The following EPS15L1 variants were observed in gnomAD, a reference collection of about 807,000 sequenced individuals.
The protein encoded by EPS15L1 is epidermal growth factor receptor substrate 15-like 1.
A neutral mutation model predicts 117.1 loss-of-function variants in EPS15L1; 43 were observed. That is an observed-to-expected ratio of 0.37 (90% CI 0.29 to 0.47). The LOEUF (loss-of-function observed/expected upper bound fraction) is 0.47, where lower values mean the gene tolerates loss of function less well. Ranked by LOEUF, EPS15L1 falls within the 20% of genes least tolerant of loss-of-function variation. EPS15L1 has a pLI of 0.99. For synonymous variants in EPS15L1, 459 were observed against 470.5 expected, an observed-to-expected ratio of 0.98 and a Z score of 0.32; for missense variants, 981 against 1,164.0, an observed-to-expected ratio of 0.84 and a Z score of 2.29.
At chr19:16,368,163 C>A (rs781313484) in intron 22 of EPS15L1, among the ~76,000 whole-genome samples, 1 of 152,160 alleles carries the variant, frequency 6.6e-6, no homozygotes, top group Admixed American at 6.5e-5. Context: ...TCGCTATTAT[C>A]CTATACAACA....
At chr19:16,432,215 C>G (rs111923053) in intron 7 of EPS15L1, among the ~76,000 whole-genome samples, 2 of 151,848 alleles carry the variant, frequency 1.3e-5, no homozygotes, top group African/African-American at 4.8e-5. Flanking sequence ...AGGTGGATCA[C>G]CTGAGGTCAG....
At chr19:16,427,765 G>A (rs183514420) in intron 8 of EPS15L1, among the ~76,000 whole-genome samples, 200 of 152,230 alleles carry the variant, frequency 1.3e-3, no homozygotes, top group African/African-American at 4.6e-3. Flanking sequence ...GTGATGGAGT[G>A]CACCTGTAAT....
At chr19:16,428,891 C>CA in intron 7 of EPS15L1, 130 bp from the exon 8 acceptor site, 1 of 678,042 alleles carries the variant, frequency 1.5e-6, no homozygotes, top group Admixed American at 2.4e-5. Flanking sequence ...ATATACATTT[C>CA]AGGACCAGTC....
At chr19:16,464,098 G>A (rs1024454138) in intron 1 of EPS15L1, among the ~76,000 whole-genome samples, 1 of 152,194 alleles carries the variant, frequency 6.6e-6, no homozygotes, top group African/African-American at 2.4e-5. Context: ...AGGAGGAGAA[G>A]TGACTTTATG....
At chr19:16,462,013 G>A (rs988722468) in intron 1 of EPS15L1, among the ~76,000 whole-genome samples, 2 of 152,230 alleles carry the variant, frequency 1.3e-5, no homozygotes, top group African/African-American at 4.8e-5. Context: ...CCAGCAGGGA[G>A]CAGGAAAGAC....
intron 1 of EPS15L1, among the ~76,000 whole-genome samples, chr19:16,470,925 C>G (rs1031970481): frequency 6.6e-6 from 1 of 152,182 alleles, no homozygotes; most frequent in Non-Finnish European, 1.5e-5. Context: ...TTTTATATCT[C>G]CATTTTCCAA....
At chr19:16,451,105 C>T (rs1338208933) in intron 1 of EPS15L1, among the ~76,000 whole-genome samples, 4 of 152,060 alleles carry the variant, frequency 2.6e-5, no homozygotes, top group Non-Finnish European at 5.9e-5. Context: ...CACCCACCAC[C>T]GTGCCCGGCT....
intron 22 of EPS15L1, among the ~76,000 whole-genome samples, chr19:16,373,784 C>T (rs1167191764): frequency 6.6e-6 from 1 of 152,188 alleles, no homozygotes; most frequent in Non-Finnish European, 1.5e-5. Flanking sequence ...AACACTTCTC[C>T]CCAACATGTG....
At chr19:16,456,882 C>G (rs1042952684) in intron 1 of EPS15L1, among the ~76,000 whole-genome samples, 2 of 152,012 alleles carry the variant, frequency 1.3e-5, no homozygotes, top group African/African-American at 4.8e-5. Flanking sequence ...GGTGGAAGGG[C>G]ATGTGCATAG....
intron 16 of EPS15L1, chr19:16,401,033 G>A (rs1368272255): frequency 9.1e-6 from 9 of 985,394 alleles, no homozygotes; most frequent in African/African-American, 8.7e-5. Context: ...GAACAGCCAG[G>A]GAGCAAAGCG....
rs541628923 is a variant in EPS15L1, at chr19:16,413,366, C to T, written c.1266+407G>A. ...TGGCTAGTATCAATGACTGCTACAC[C>T]TCAGCCAGGGGCTGCACTGCCATCC... On this transcript the variant is annotated intron_variant, in intron 13 of 23. Transcript: ENST00000455140. The T allele has an allele frequency of 5.8e-6, 4 of 693,666 alleles. No homozygotes were observed. In the South Asian group the frequency reaches 6.3e-5, roughly 11 times the overall value. The allele number at this position is 693,666 out of a possible 1,614,324, so 43.0% of individuals were successfully genotyped here. A position where few individuals can be genotyped will look rare whatever the true frequency, so the allele number is the denominator to read the frequency against.
chr19:16,436,833 T>C, intron 6 of EPS15L1, 104 bp downstream of exon 6: 1 of 930,782 alleles, frequency 1.1e-6, no homozygotes. Context: ...TAAAATGTTC[T>C]GAACAACATC....
chr19:16,436,777 C>T, intron 6 of EPS15L1, 160 bp downstream of exon 6: 1 of 567,522 alleles, frequency 1.8e-6, no homozygotes, highest in Non-Finnish European at 3.1e-6. Context: ...CATCCAAGTG[C>T]TGTGGCCACT....
intron 1 of EPS15L1, among the ~76,000 whole-genome samples, chr19:16,469,315 G>A (rs2093328407): frequency 6.6e-6 from 1 of 152,136 alleles, no homozygotes; most frequent in African/African-American, 2.4e-5. Context: ...GATGAAGAGT[G>A]AAGACCGACG....
chr19:16,439,623 C>G (rs1216030347), intron 4 of EPS15L1, among the ~76,000 whole-genome samples: 1 of 152,016 alleles, frequency 6.6e-6, no homozygotes, highest in African/African-American at 2.4e-5. Flanking sequence ...CCCAGAAGAT[C>G]GAGGCTGCAG....
chr19:16,429,278 C>T (rs995317319), intron 7 of EPS15L1, among the ~76,000 whole-genome samples: 19 of 152,200 alleles, frequency 1.2e-4, no homozygotes, highest in African/African-American at 4.6e-4. Flanking sequence ...AGAAGGCAGG[C>T]AGGCGTGGGT....
chr19:16,468,703 G>A (rs764876855), intron 1 of EPS15L1, among the ~76,000 whole-genome samples: 2 of 150,100 alleles, frequency 1.3e-5, no homozygotes, highest in Non-Finnish European at 3.0e-5. Context: ...TTTTGGAACA[G>A]GGGAATATGT....
In EPS15L1 at chr19:16,404,993, G is replaced by A. The variant is rs1256771194; in HGVS notation, c.1267-244C>T. On this transcript the variant is annotated intron_variant, in intron 13 of 23. Coordinates refer to ENST00000455140, the MANE Select transcript of EPS15L1 (RefSeq NM_001258374.3). The surrounding 1 kb of genome is among the most constrained non-coding windows in gnomAD (Gnocchi z 4.2). ...CCCGATGGCCTAACAGAGGCCAGGT[G>A]CGAGAGAAGGGGCTGGGTCCCTGTG... is the stretch of plus-strand genomic sequence containing the variant. Among the ~76,000 whole-genome samples, 1 of 152,224 alleles carries A rather than the reference G, an allele frequency of 6.6e-6. No homozygotes were observed. Among genetic ancestry groups the A allele is most frequent in the Non-Finnish European group, 1.5e-5 (1 of 68,034 alleles).
intron 6 of EPS15L1, 81 bp from the exon 7 acceptor site, chr19:16,434,571 G>A: frequency 6.7e-7 from 1 of 1,482,588 alleles, no homozygotes; most frequent in East Asian, 2.3e-5. Flanking sequence ...CGAAAGCCAA[G>A]TGAAAATGGC....
Sources: gnomAD v4.1 joint callset for allele counts (sites outside exome capture counted in the v4.1 genomes callset) on GRCh38, gnomAD v4.1.1 for gene constraint, Gnocchi (gnomAD v3.1) non-coding constraint, MANE v1.5 for transcripts, NCBI Gene and HGNC (gene_info 2026-07-23, HGNC 2026-07-21) for gene names.